Variants in SAMTOR observed in about 807,000 individuals in gnomAD.
SAMTOR encodes UPF0532 protein C7orf60.
chr7:112,832,516 A>G, the SAMTOR span: 1 of 1,071,088 alleles, frequency 9.3e-7, no homozygotes. Context: ...TCTTTTGTAA[A>G]TATACATGTA....
At chr7:112,904,795 G>A in the SAMTOR span, among the ~76,000 whole-genome samples, 1 of 152,114 alleles carries the variant, frequency 6.6e-6, no homozygotes, top group Non-Finnish European at 1.5e-5. Context: ...AGTTATCAGA[G>A]TTAATCTTAC....
chr7:112,924,632 G>A, the SAMTOR span, among the ~76,000 whole-genome samples: 1 of 151,872 alleles, frequency 6.6e-6, no homozygotes, highest in Non-Finnish European at 1.5e-5. Flanking sequence ...CTAACATTTG[G>A]GTAGTGACTG....
the SAMTOR span, among the ~76,000 whole-genome samples, chr7:112,826,441 A>T: frequency 6.6e-6 from 1 of 152,128 alleles, no homozygotes; most frequent in East Asian, 1.9e-4. Context: ...TGTCGAATTT[A>T]TTGGCATAAA....
the SAMTOR span, among the ~76,000 whole-genome samples, chr7:112,924,442 C>G: frequency 1.4e-3 from 211 of 152,118 alleles, no homozygotes; most frequent in Non-Finnish European, 2.7e-3. Flanking sequence ...GAGTTGAAAA[C>G]CAAACTATTA....
the SAMTOR span, among the ~76,000 whole-genome samples, chr7:112,882,142 G>A: frequency 1.3e-5 from 2 of 152,204 alleles, no homozygotes; most frequent in East Asian, 1.9e-4. Flanking sequence ...TGCATGCCCC[G>A]CCACAGCAGC....
chr7:112,916,298 A>C, the SAMTOR span, among the ~76,000 whole-genome samples: 1 of 152,242 alleles, frequency 6.6e-6, no homozygotes, highest in Non-Finnish European at 1.5e-5. Flanking sequence ...TGCTAAATAA[A>C]GGACATTAAT....
At chr7:112,910,323 T>A in the SAMTOR span, among the ~76,000 whole-genome samples, 52 of 152,326 alleles carry the variant, frequency 3.4e-4, no homozygotes, top group Admixed American at 2.0e-3. Context: ...ACATATTTTT[T>A]AATCTGATTT....
the SAMTOR span, among the ~76,000 whole-genome samples, chr7:112,848,433 C>T: frequency 6.6e-6 from 1 of 152,028 alleles, no homozygotes; most frequent in Non-Finnish European, 1.5e-5. Flanking sequence ...TAAGAGAGTC[C>T]AGATACTCAA....
At chr7:112,845,163 T>A in the SAMTOR span, among the ~76,000 whole-genome samples, 1 of 152,144 alleles carries the variant, frequency 6.6e-6, no homozygotes, top group Non-Finnish European at 1.5e-5. Context: ...GGCAACACCA[T>A]TCTGGACATA....
chr7:112,832,796 G>A, the SAMTOR span: 8 of 597,200 alleles, frequency 1.3e-5, no homozygotes, highest in South Asian at 7.0e-5. Flanking sequence ...ATTACTGACG[G>A]CCCCAATGAG....
At chr7:112,922,897 C>T in the SAMTOR span, among the ~76,000 whole-genome samples, 62 of 142,602 alleles carry the variant, frequency 4.3e-4, 3 homozygotes, top group Middle Eastern at 4.5e-3. Context: ...CAGCCCCCCC[C>T]CCCCGGGCCA....
chr7:112,824,395 C>G, the SAMTOR span, among the ~76,000 whole-genome samples: 4 of 152,026 alleles, frequency 2.6e-5, no homozygotes, highest in Admixed American at 2.0e-4. Context: ...GAGTCTCACT[C>G]TGTTGCCCAG....
chr7:112,888,447 A>G, the SAMTOR span, among the ~76,000 whole-genome samples: 1 of 152,184 alleles, frequency 6.6e-6, no homozygotes, highest in Non-Finnish European at 1.5e-5. Context: ...TGTGTACACA[A>G]TGAAGGAGAG....
At chr7:112,914,479 C>T in the SAMTOR span, among the ~76,000 whole-genome samples, 1 of 151,850 alleles carries the variant, frequency 6.6e-6, no homozygotes, top group African/African-American at 2.4e-5. Flanking sequence ...ATTAAGAGAA[C>T]TAGTATAAGC....
chr7:112,910,029 C>T, the SAMTOR span, among the ~76,000 whole-genome samples: 5 of 151,686 alleles, frequency 3.3e-5, no homozygotes, highest in Non-Finnish European at 5.9e-5. Flanking sequence ...TGCCAGGTCT[C>T]GACGAGGGGA....
At chr7:112,835,412 C>T in the SAMTOR span, among the ~76,000 whole-genome samples, 8 of 152,090 alleles carry the variant, frequency 5.3e-5, no homozygotes, top group Non-Finnish European at 1.0e-4. Flanking sequence ...TCAGAAGGAA[C>T]ATTCCAGTGT....
At chr7:112,895,561 A>G in the SAMTOR span, 2 of 1,519,030 alleles carry the variant, frequency 1.3e-6, no homozygotes, top group South Asian at 1.3e-5. Context: ...TAGAAAAAGT[A>G]TACTTACTCA....
chr7:112,833,046 G>C, the SAMTOR span, among the ~76,000 whole-genome samples: 2 of 152,190 alleles, frequency 1.3e-5, no homozygotes, highest in African/African-American at 4.8e-5. Flanking sequence ...AAAGTATTGG[G>C]ATTAGAGGCG....
chr7:112,884,460 G>A, the SAMTOR span, among the ~76,000 whole-genome samples: 1 of 152,118 alleles, frequency 6.6e-6, no homozygotes, highest in Non-Finnish European at 1.5e-5. Flanking sequence ...ATACAATGGG[G>A]GTACAGGCAC....
Sources: gnomAD v4.1 joint callset for allele counts (sites outside exome capture counted in the v4.1 genomes callset) on GRCh38, gnomAD v4.1.1 for gene constraint, MANE v1.5 for transcripts, NCBI Gene and HGNC (gene_info 2026-07-23, HGNC 2026-07-21) for gene names.